Variants in ITGA11 observed in about 807,000 individuals in gnomAD.
ITGA11 encodes the protein integrin alpha-11.
A neutral mutation model predicts 141.9 loss-of-function variants in ITGA11; 97 were observed. The ratio of observed to expected loss-of-function variants is 0.68; its 90% CI spans 0.58 to 0.81. The LOEUF is 0.81. Among genes scored for constraint, ITGA11 ranks in the 30% least tolerant of loss-of-function variants. The pLI, the probability that ITGA11 is intolerant of heterozygous loss-of-function variation, is 0.00. For synonymous variants in ITGA11, 658 were observed against 624.6 expected, an observed-to-expected ratio of 1.05 and a Z score of -0.80; for missense variants, 1,387 against 1,559.2, an observed-to-expected ratio of 0.89 and a Z score of 1.86.
intron 9 of ITGA11, among the ~76,000 whole-genome samples, chr15:68,350,307 C>CCTAA (rs1894864225): frequency 6.6e-6 from 1 of 152,120 alleles, no homozygotes; most frequent in African/African-American, 2.4e-5. Flanking sequence ...ACCTCAGCTT[C>CCTAA]CTAAGTAGCT....
chr15:68,311,026 C>A lies in ITGA11; in HGVS notation c.3142G>T (p.Val1048Leu). ...GNSTEYRPTP[V>L]EEDLRRAPQL... ...GGAGCACGACGCAAGTCTTCCTCCA[C>A]TGGGGTGGGCCGGTACTCAGTGCTA... The change falls in exon 26 of 30, where the codon GTG (valine) becomes TTG (leucine). Residue 1048 changes from valine to leucine, a missense_variant. Transcript: ENST00000315757. 1 of 1,606,930 alleles carries A rather than the reference C, an allele frequency of 6.2e-7. No homozygotes were observed. The highest frequency in any genetic ancestry group is 2.2e-5 in the East Asian group (1 of 44,660).
At chr15:68,399,981 C>T (rs1896426746) in intron 2 of ITGA11, among the ~76,000 whole-genome samples, 1 of 152,070 alleles carries the variant, frequency 6.6e-6, no homozygotes, top group Admixed American at 6.6e-5. Flanking sequence ...GAAGAGAAAA[C>T]CAAATATAGA....
rs1893617693 is a variant in ITGA11 at position 68,317,325 on chromosome 15, C to T, written c.2655G>A (p.Glu885=). 3.1e-6 allele frequency: 5 copies of T among 1,613,822 alleles called. No individual in the cohort carries two copies. The African/African-American group carries it at 5.3e-5, about 17-fold the overall frequency. ...SDGSIECVNE[E]RRLQKQVCNV... ...TGCAGACTTGCTTCTGGAGCCTCCT[C>T]TCCTCGTTCACACACTCAATGCTAC... is the stretch of plus-strand genomic sequence containing the variant. The change falls in exon 21 of 30, where the codon GAG becomes GAA. Residue 885 remains glutamate (E), a synonymous_variant. Transcript: ENST00000315757.
chr15:68,388,890 C>T (rs1896050556), intron 2 of ITGA11, among the ~76,000 whole-genome samples: 1 of 152,196 alleles, frequency 6.6e-6, no homozygotes, highest in African/African-American at 2.4e-5. Flanking sequence ...TCTCTTCACT[C>T]TGCTATTTAG....
At chr15:68,341,674 C>A (rs892136853) in intron 10 of ITGA11, among the ~76,000 whole-genome samples, 1 of 152,242 alleles carries the variant, frequency 6.6e-6, no homozygotes. Context: ...TCCTCCCTCT[C>A]TCTGCCTGTT....
In ITGA11 at chr15:68,403,177, C is replaced by G. The variant is rs1595893326; in HGVS notation, c.53-148G>C. 35 of 629,112 alleles carry G rather than the reference C, an allele frequency of 5.6e-5. No homozygotes were observed. The East Asian group carries it at 9.3e-4, about 17-fold the overall frequency. The allele number at this position is 629,112 out of a possible 1,614,324, so 39.0% of individuals were successfully genotyped here. On this transcript the variant is annotated intron_variant, in intron 1 of 29. Transcript: ENST00000315757. ...CATGTTTCCCCATCTTGGGGAGTCC[C>G]TGTATGAGGTGGCTGATGTAGTCCT...
At chr15:68,426,145 C>T (rs1047194240) in intron 1 of ITGA11, among the ~76,000 whole-genome samples, 1 of 152,216 alleles carries the variant, frequency 6.6e-6, no homozygotes, top group Non-Finnish European at 1.5e-5. Flanking sequence ...TGCTGGCTGG[C>T]CCTGGTGCCT....
chr15:68,423,126 T>G (rs967786936), intron 1 of ITGA11, among the ~76,000 whole-genome samples: 1 of 152,196 alleles, frequency 6.6e-6, no homozygotes, highest in African/African-American at 2.4e-5. Context: ...ACATCTTAAC[T>G]GAGCACCTGC....
rs185148260 is a variant in ITGA11 at position 68,369,233 on chromosome 15, G to A, written c.216C>T (p.Asp72=). 784 of 1,613,964 alleles carry A rather than the reference G, an allele frequency of 4.9e-4. 1 individual carries two copies. The African/African-American group carries it at 9.7e-3, about 20-fold the overall frequency. ...LETNGYQKTG[D]VYKCPVIHGN... is the part of the protein sequence containing the mutation. ...CGTGGATCACTGGACACTTGTACAC[G>A]TCTCCCGTCTTCTGGTAGCCATTGG... Residue 72 remains aspartate (D), a synonymous_variant, in exon 3 of 30, where the codon GAC becomes GAT. Transcript: ENST00000315757.
intron 11 of ITGA11, among the ~76,000 whole-genome samples, chr15:68,338,361 C>T (rs1458235871): frequency 6.6e-6 from 1 of 152,248 alleles, no homozygotes; most frequent in African/African-American, 2.4e-5. Context: ...CTCCCACTGG[C>T]CCAGAAGCAG....
In ITGA11 at chr15:68,357,023, A is replaced by G. The variant is rs968544591; in HGVS notation, c.749+128T>C. On this transcript the variant is annotated intron_variant, in intron 7 of 29. Coordinates refer to ENST00000315757, the MANE Select transcript of ITGA11 (RefSeq NM_001004439.2). The stretch of plus-strand genomic sequence containing the variant: ...CCAGCTGAGCCCAGTCAAACTCCAG[A>G]ATTTTGAGGAATTAAGAAATTATTG... The G allele has an allele frequency of 5.2e-5, 46 of 891,908 alleles. No homozygotes were observed. The African/African-American group carries it at 7.3e-4, about 14-fold the overall frequency. The allele number at this position is 891,908 out of a possible 1,614,324, so 55.2% of individuals were successfully genotyped here. A position where few individuals can be genotyped will look rare whatever the true frequency, so the allele number is the denominator to read the frequency against.
chr15:68,366,704 G>T (rs568032789), intron 3 of ITGA11, among the ~76,000 whole-genome samples: 1 of 152,186 alleles, frequency 6.6e-6, no homozygotes, highest in Admixed American at 6.5e-5. Context: ...CTCTGTGAGC[G>T]GGAGAGACTC....
rs976129909 is a variant in ITGA11 at position 68,322,785 on chromosome 15, C to G, written c.2323-1282G>C. On this transcript the variant is annotated intron_variant, in intron 18 of 29. Coordinates refer to ENST00000315757, the MANE Select transcript of ITGA11 (RefSeq NM_001004439.2). This position sits in a 1 kb window ranked among gnomAD's most constrained non-coding sequence, Gnocchi z 5.6. ...CTGAGGCAGGAGAATTGCTTGAACT[C>G]AGGCAGAGGCTGCAGTGGGCCAAGA... Among the ~76,000 whole-genome samples, 3 of 151,400 alleles carry G rather than the reference C, an allele frequency of 2.0e-5. No individual in the cohort carries two copies. Among genetic ancestry groups the G allele is most frequent in the Non-Finnish European group, 2.9e-5 (2 of 67,934 alleles).
intron 10 of ITGA11, among the ~76,000 whole-genome samples, chr15:68,346,736 T>G (rs1894755657): frequency 6.6e-6 from 1 of 152,228 alleles, no homozygotes; most frequent in South Asian, 2.1e-4. Flanking sequence ...CCGTGTCCTT[T>G]AGGGGCAGCT....
chr15:68,315,074 T>A (rs746264815), intron 22 of ITGA11, among the ~76,000 whole-genome samples: 1 of 151,972 alleles, frequency 6.6e-6, no homozygotes, highest in African/African-American at 2.4e-5. Context: ...GACAGACAGA[T>A]AGACAGGAAG....
intron 10 of ITGA11, among the ~76,000 whole-genome samples, chr15:68,344,399 G>A (rs1427872620): frequency 2.0e-5 from 3 of 152,138 alleles, no homozygotes; most frequent in African/African-American, 4.8e-5. Flanking sequence ...GTTCAAATGC[G>A]AAACCCTTAG....
chr15:68,343,963 G>A lies in ITGA11; in HGVS notation c.1132-4319C>T, dbSNP rs571647104. 1.6e-3 allele frequency among the ~76,000 whole-genome samples: 249 copies of A among 152,302 alleles called. 1 individual carries two copies. The highest frequency in any genetic ancestry group is 1.8e-3 in the Non-Finnish European group (121 of 68,024). ...GCGGTGCTGGAATCCGGCAGCTGGGGTGAGCAGAAGGGGCCGCGGGGACCT... is the reference window on the plus strand; with the variant it reads ...GCGGTGCTGGAATCCGGCAGCTGGGATGAGCAGAAGGGGCCGCGGGGACCT... On this transcript the variant is annotated intron_variant, in intron 10 of 29. Coordinates refer to ENST00000315757, the MANE Select transcript of ITGA11 (RefSeq NM_001004439.2).
chr15:68,349,896 G>GC (rs1191889571), intron 9 of ITGA11, among the ~76,000 whole-genome samples: 2 of 152,152 alleles, frequency 1.3e-5, no homozygotes, highest in African/African-American at 2.4e-5. Flanking sequence ...AGCTAGGGTT[G>GC]CCTGATGCAA....
chr15:68,348,116 C>G (rs1176855926), intron 10 of ITGA11, among the ~76,000 whole-genome samples: 1 of 152,262 alleles, frequency 6.6e-6, no homozygotes, highest in African/African-American at 2.4e-5. Flanking sequence ...CCCTTGCAGT[C>G]CTGGGAGGCT....
Sources: gnomAD v4.1 joint callset for allele counts (sites outside exome capture counted in the v4.1 genomes callset) on GRCh38, gnomAD v4.1.1 for gene constraint, Gnocchi (gnomAD v3.1) non-coding constraint, MANE v1.5 for transcripts, NCBI Gene and HGNC (gene_info 2026-07-23, HGNC 2026-07-21) for gene names.